The following RDH13 variants were observed in gnomAD, a reference collection of about 807,000 sequenced individuals.
RDH13 encodes the protein retinol dehydrogenase 13 (all-trans and 9-cis).
RDH13 carries 35 observed loss-of-function variants against 28.3 expected under a neutral mutation model. That is an observed-to-expected ratio of 1.24 (90% CI 0.95 to 1.64). RDH13 has a LOEUF of 1.64. Among genes scored for constraint, RDH13 ranks in the 40% most tolerant of loss-of-function variants. RDH13 has a pLI of 0.00. For missense variants in RDH13, 514 were observed against 446.3 expected (o/e 1.15, Z -1.37); for synonymous variants, 229 against 198.5 (o/e 1.15, Z -1.29).
In RDH13 at chr19:55,052,185, G is replaced by A. The variant is rs142135624; in HGVS notation, c.341-3422C>T. Among the ~76,000 whole-genome samples the A allele has an allele frequency of 2.7e-3, 410 of 151,184 alleles. 4 individuals carry two copies. In the Middle Eastern group the frequency reaches 0.034, roughly 13 times the overall value. ...TGTAATCCCAGCACTTTGGGAGGCC[G>A]AGGCGGGCAGATCACCTGAGGTCAA... On this transcript the variant is annotated intron_variant, in intron 3 of 6. Transcript: ENST00000415061.
At chr19:55,043,867 G>A (rs1343603759), downstream of RDH13, among the ~76,000 whole-genome samples, 2 of 151,922 alleles carry the variant, frequency 1.3e-5, no homozygotes, top group Middle Eastern at 3.2e-3. Flanking sequence ...GGACTTAAAC[G>A]GTTATTTCCT....
At chr19:55,068,121 TTC>T (rs2075992504), upstream of RDH13, among the ~76,000 whole-genome samples, 1 of 146,416 alleles carries the variant, frequency 6.8e-6, no homozygotes, top group African/African-American at 2.5e-5. Flanking sequence ...GTTTCTCTCT[TTC>T]TCTTTCTTCC....
upstream of RDH13, among the ~76,000 whole-genome samples, chr19:55,064,676 G>A (rs951666284): frequency 2.6e-4 from 39 of 149,598 alleles, no homozygotes; most frequent in African/African-American, 5.9e-4. Flanking sequence ...AGCAGTGGGC[G>A]ATCTCAGCTC....
chr19:55,062,125 A>G (rs2075826434), intron 1 of RDH13, among the ~76,000 whole-genome samples: 1 of 152,072 alleles, frequency 6.6e-6, no homozygotes, highest in African/African-American at 2.4e-5. Flanking sequence ...CTCAAAAAAA[A>G]AAAAGATGCT....
intron 3 of RDH13, among the ~76,000 whole-genome samples, chr19:55,054,914 T>A (rs1387649291): frequency 6.6e-6 from 1 of 152,168 alleles, no homozygotes; most frequent in Admixed American, 6.5e-5. Flanking sequence ...CATTCTACAA[T>A]GTATACAATG....
Position 55,048,444 on chromosome 19 carries a change from G to A in RDH13, c.543C>T (p.His181=), listed in dbSNP as rs11672154. The change falls in exon 5 of 7, where the codon CAC becomes CAT. Residue 181 remains histidine, a synonymous_variant. Coordinates refer to ENST00000415061, the MANE Select transcript of RDH13 (RefSeq NM_001145971.2). ...GCCAGTTCAAGTCGTCAAAGTCTAT[G>A]TGCCCAGCAACATGGGCCAGGGACG... The part of the protein sequence containing the change: ...NLSSLAHVAG[H]IDFDDLNWQT... The A allele has an allele frequency of 5.2e-5, 84 of 1,614,100 alleles. No homozygotes were observed. The highest frequency in any genetic ancestry group is 6.9e-5 in the Non-Finnish European group (81 of 1,180,054).
Position 55,048,435 on chromosome 19 carries a change from A to C in RDH13, c.552T>G (p.Phe184Leu). 2 of 1,614,224 alleles carry C rather than the reference A, an allele frequency of 1.2e-6. No homozygotes were observed. Among genetic ancestry groups the C allele is most frequent in the Non-Finnish European group, 1.7e-6 (2 of 1,180,042 alleles). The part of the protein sequence containing the change: ...SLAHVAGHID[F>L]DDLNWQTRKY... Reference sequence around the variant, plus strand: ...TCCTCGTCTGCCAGTTCAAGTCGTCAAAGTCTATGTGCCCAGCAACATGGG... The same window carrying C: ...TCCTCGTCTGCCAGTTCAAGTCGTCCAAGTCTATGTGCCCAGCAACATGGG... Residue 184 changes from phenylalanine to leucine, a missense_variant, in exon 5 of 7, where the codon TTT becomes TTG. Coordinates refer to ENST00000415061, the MANE Select transcript of RDH13 (RefSeq NM_001145971.2).
Position 55,057,250 on chromosome 19 carries a change from T to C in RDH13, c.185-442A>G, listed in dbSNP as rs559436789. ...AGGGCAGGGGGTGGGGAGAGGGAAT[T>C]ACAGCTTGATAGTTACAGTGAGCAG... On this transcript the variant is annotated intron_variant, in intron 2 of 6. Coordinates refer to ENST00000415061, the MANE Select transcript of RDH13 (RefSeq NM_001145971.2). Among the ~76,000 whole-genome samples, 15 of 152,252 alleles carry C rather than the reference T, an allele frequency of 9.9e-5. No individual in the cohort carries two copies. In the South Asian group the frequency reaches 3.1e-3, roughly 32 times the overall value.
At chr19:55,047,754 G>A (rs1460493305) in intron 5 of RDH13, among the ~76,000 whole-genome samples, 1 of 152,194 alleles carries the variant, frequency 6.6e-6, no homozygotes. Flanking sequence ...TCGGTGCGTG[G>A]CGGTGGGACC....
At chr19:55,047,304 C>G in intron 6 of RDH13, 83 bp downstream of exon 6, 1 of 1,544,710 alleles carries the variant, frequency 6.5e-7, no homozygotes, top group Non-Finnish European at 8.7e-7. Context: ...GGGACGGTCT[C>G]TGAGGGAGGG....
chr19:55,056,185 C>T (rs145794719), intron 3 of RDH13, among the ~76,000 whole-genome samples: 9 of 150,704 alleles, frequency 6.0e-5, no homozygotes, highest in Non-Finnish European at 1.2e-4. Context: ...CAAAGTCAGC[C>T]GGGCGCAGTG....
At chr19:55,052,300 C>G (rs2075470808) in intron 3 of RDH13, among the ~76,000 whole-genome samples, 1 of 151,762 alleles carries the variant, frequency 6.6e-6, no homozygotes, top group Admixed American at 6.6e-5. Flanking sequence ...CCCAGCTACT[C>G]AGGAGGCTGA....
chr19:55,062,567 C>T (rs1480744021), intron 1 of RDH13, among the ~76,000 whole-genome samples: 1 of 151,748 alleles, frequency 6.6e-6, no homozygotes, highest in Non-Finnish European at 1.5e-5. Context: ...GTGATCTCAG[C>T]TCCTGGGGAC....
At chr19:55,040,131 T>G (rs970085863), downstream of RDH13, among the ~76,000 whole-genome samples, 13 of 152,198 alleles carry the variant, frequency 8.5e-5, no homozygotes, top group African/African-American at 3.1e-4. Context: ...ACTGTAAATG[T>G]ATTTATATTT....
downstream of RDH13, among the ~76,000 whole-genome samples, chr19:55,043,458 T>C (rs2075097503): frequency 1.3e-5 from 2 of 151,816 alleles, no homozygotes; most frequent in South Asian, 2.1e-4. Flanking sequence ...CCAAGACGGG[T>C]GGATCACCTG....
intron 1 of RDH13, among the ~76,000 whole-genome samples, chr19:55,059,984 C>A (rs1482505128): frequency 1.3e-5 from 2 of 152,190 alleles, no homozygotes; most frequent in Non-Finnish European, 2.9e-5. Context: ...AAACCAGGGG[C>A]ACGATGCACT....
At position 55,045,303 on chromosome 19, in the gene RDH13, A is replaced by G. The variant is rs1221971364; in HGVS notation, c.767T>C (p.Ile256Thr). Residue 256 changes from isoleucine (I) to threonine (T), a missense_variant, in exon 7 of 7, where the codon ATC (isoleucine) becomes ACC (threonine). Coordinates refer to ENST00000415061, the MANE Select transcript of RDH13 (RefSeq NM_001145971.2). ...STFSSTTLGP[I>T]FWLLVKSPEL... ...GGGGCTCTTGACCAGCAGCCAGAAG[A>G]TGGGCCCTGCAATCAGCCCACAGGG... is the stretch of plus-strand genomic sequence containing the variant. 1 of 1,611,610 alleles carries G rather than the reference A, an allele frequency of 6.2e-7. No homozygotes were observed. The highest frequency in any genetic ancestry group is 1.7e-5 in the Admixed American group (1 of 59,866).
At chr19:55,048,129 G>A (rs1315667371) in intron 5 of RDH13, 200 bp downstream of exon 5, 79 of 1,531,924 alleles carry the variant, frequency 5.2e-5, no homozygotes, top group Non-Finnish European at 5.8e-5. Context: ...CACCTGGGAT[G>A]AACAGACAAT....
intron 3 of RDH13, among the ~76,000 whole-genome samples, chr19:55,050,531 T>G (rs746884988): frequency 3.3e-5 from 5 of 152,048 alleles, no homozygotes; most frequent in African/African-American, 4.8e-5. Flanking sequence ...TCAAGCAGTC[T>G]TCTTGCTCAG....
Sources: allele counts gnomAD v4.1 joint callset (sites outside exome capture counted in the v4.1 genomes callset), GRCh38; gene constraint gnomAD v4.1.1; transcripts MANE v1.5; gene names NCBI Gene and HGNC (gene_info 2026-07-23, HGNC 2026-07-21).